The following CCDC141 variants were observed in gnomAD, a reference collection of about 807,000 sequenced individuals.
CCDC141 encodes coiled-coil domain containing 141.
CCDC141 carries 168 observed loss-of-function variants against 181.0 expected under a neutral mutation model. That is an observed-to-expected ratio of 0.93 (90% CI 0.82 to 1.05). The LOEUF (loss-of-function observed/expected upper bound fraction) is 1.05. Among genes scored for constraint, CCDC141 ranks in the 50% least tolerant of loss-of-function variants. CCDC141 has a pLI of 0.00. For missense variants in CCDC141, 1,902 were observed against 1,788.5 expected (o/e 1.06, Z -1.14); for synonymous variants, 666 against 642.3 (o/e 1.04, Z -0.56).
At position 178,913,028 on chromosome 2, in the gene CCDC141, C is replaced by T. The variant is rs577460318; in HGVS notation, c.1092+5685G>A. Among the ~76,000 whole-genome samples, 3 of 152,314 alleles carry T rather than the reference C, an allele frequency of 2.0e-5. No individual in the cohort carries two copies. The South Asian group carries it at 6.2e-4, about 32-fold the overall frequency. ...TTGGGCTTTCTCCATCATAGCTTTCCCACAACCCAGTGCACCTCTGTTCCC... is the reference window on the plus strand; with the variant it reads ...TTGGGCTTTCTCCATCATAGCTTTCTCACAACCCAGTGCACCTCTGTTCCC... On this transcript the variant is annotated intron_variant, in intron 7 of 23. Coordinates refer to ENST00000443758, the MANE Select transcript of CCDC141 (RefSeq NM_173648.4).
rs1553495348 is a variant in CCDC141 at position 178,981,657 on chromosome 2, T to TATATATATATAC, written c.226-2983_226-2982insGTATATATATAT. 1.7e-4 allele frequency among the ~76,000 whole-genome samples: 23 copies of TATATATATATAC among 132,042 alleles called. 1 individual carries two copies. The highest frequency in any genetic ancestry group is 5.4e-4 in the African/African-American group (19 of 35,072). 86.6% of individuals were successfully genotyped at this position (132,042 alleles called of 152,430 possible). On this transcript the variant is annotated intron_variant, in intron 2 of 23. Transcript: ENST00000443758. The stretch of plus-strand genomic sequence containing the variant: ...GTGTGTATATATATATATATATATA[T>TATATATATATAC]ACATACATATATACATATATATATA...
chr2:178,893,413 T>G (rs1243712904), intron 8 of CCDC141, among the ~76,000 whole-genome samples: 1 of 152,126 alleles, frequency 6.6e-6, no homozygotes, highest in African/African-American at 2.4e-5. Flanking sequence ...CTTTCAAACC[T>G]TTCATAAATT....
intron 2 of CCDC141, among the ~76,000 whole-genome samples, chr2:179,011,258 A>G (rs2042263045): frequency 6.6e-6 from 1 of 152,184 alleles, no homozygotes; most frequent in Admixed American, 6.5e-5. Flanking sequence ...AACTCACGTA[A>G]ACTTAAAGTG....
In CCDC141 at chr2:178,894,781, C is replaced by T. The variant is rs943436409; in HGVS notation, c.1266-6113G>A. 4.0e-5 allele frequency among the ~76,000 whole-genome samples: 6 copies of T among 151,412 alleles called. No individual in the cohort carries two copies. The East Asian group carries it at 9.6e-4, about 24-fold the overall frequency. On this transcript the variant is annotated intron_variant, in intron 8 of 23. Coordinates refer to ENST00000443758, the MANE Select transcript of CCDC141 (RefSeq NM_173648.4). The stretch of plus-strand genomic sequence containing the variant: ...AGACTGCAAAGAGACCAAGAGGCTC[C>T]AACATTCTTCTAATAGAAGGTATAG...
Position 179,049,959 on chromosome 2 carries a change from GT to G in CCDC141, c.-19del. On this transcript the variant is annotated 5_prime_UTR_variant, in exon 1 of 24. Transcript: ENST00000443758. ...CTGGACATGGTACTTTAGAACCAGA[GT>G]TTATACTTTGGGCAGCCTCTGGACA... The G allele has an allele frequency of 6.5e-7, 1 of 1,550,372 alleles. No individual in the cohort carries two copies. The highest frequency in any genetic ancestry group is 1.2e-5 in the South Asian group (1 of 84,058).
chr2:179,019,751 ATATT>A (rs563353137), intron 2 of CCDC141, among the ~76,000 whole-genome samples: 227 of 152,098 alleles, frequency 1.5e-3, no homozygotes, highest in African/African-American at 5.4e-3. Context: ...ATTTTTATAA[ATATT>A]TATTATTTAT....
At chr2:178,921,964 A>G (rs931650434) in intron 6 of CCDC141, among the ~76,000 whole-genome samples, 2 of 152,226 alleles carry the variant, frequency 1.3e-5, no homozygotes, top group African/African-American at 4.8e-5. Flanking sequence ...ATTCTTTAAA[A>G]AGATTTGGCA....
intron 22 of CCDC141, among the ~76,000 whole-genome samples, chr2:178,838,991 T>C (rs1575115284): frequency 6.6e-6 from 1 of 152,222 alleles, no homozygotes; most frequent in East Asian, 1.9e-4. Context: ...GGGTGCCTAC[T>C]TACTTAGTAT....
At position 178,852,238 on chromosome 2, in the gene CCDC141, C is replaced by A. The variant is rs114281707; in HGVS notation, c.3244+1203G>T. On this transcript the variant is annotated intron_variant, in intron 20 of 23. Transcript: ENST00000443758. ...CTTGCAGGACGGGAAGGGAATTTAA[C>A]TTTTTAGGGTCTTTGTCAGCACTTC... is the stretch of plus-strand genomic sequence containing the variant. 4.3e-3 allele frequency among the ~76,000 whole-genome samples: 661 copies of A among 152,298 alleles called. 9 individuals carry two copies. Among genetic ancestry groups the A allele is most frequent in the African/African-American group, 0.015 (636 of 41,554 alleles).
In CCDC141 at chr2:178,896,075, C is replaced by T. The variant is rs1052858942; in HGVS notation, c.1266-7407G>A. 2.0e-5 allele frequency among the ~76,000 whole-genome samples: 3 copies of T among 152,094 alleles called. No homozygotes were observed. The East Asian group carries it at 5.8e-4, about 29-fold the overall frequency. Reference sequence around the variant, plus strand: ...ATGAAATAACTAAAGAATGATTCAGCCCAGCCCAGAATGAAAAGTGGAGCC... The same window carrying T: ...ATGAAATAACTAAAGAATGATTCAGTCCAGCCCAGAATGAAAAGTGGAGCC... On this transcript the variant is annotated intron_variant, in intron 8 of 23. Transcript: ENST00000443758.
In CCDC141 at chr2:178,872,156, C is replaced by T. The variant is rs537932909; in HGVS notation, c.2056G>A (p.Ala686Thr). Reference protein sequence around the residue: ...ESKPGKQQWAAFKEQLKKTSH... With the variant: ...ESKPGKQQWATFKEQLKKTSH... ...ACCTTTTTAAGTTGCTCTTTGAATGCCGCCCACTGCTGTTTTCCAGGCTTG... is the reference window on the plus strand; with the variant it reads ...ACCTTTTTAAGTTGCTCTTTGAATGTCGCCCACTGCTGTTTTCCAGGCTTG... The change falls in exon 13 of 24, where the codon GCA becomes ACA. Residue 686 changes from alanine to threonine, a missense_variant. Transcript: ENST00000443758. The T allele has an allele frequency of 1.2e-5, 19 of 1,613,434 alleles. No individual in the cohort carries two copies. In the African/African-American group the frequency reaches 1.7e-4, roughly 15 times the overall value.
intron 14 of CCDC141, among the ~76,000 whole-genome samples, chr2:178,870,231 CAAA>C (rs34625707): frequency 1.0e-4 from 6 of 60,290 alleles, no homozygotes; most frequent in Admixed American, 2.6e-4. Flanking sequence ...GACTCTGTCT[CAAA>C]AAAAAAAAAA....
At chr2:178,978,408 G>T in intron 3 of CCDC141, 76 bp downstream of exon 3, 1 of 983,998 alleles carries the variant, frequency 1.0e-6, no homozygotes, top group South Asian at 3.7e-5. Context: ...GTCTATTTGT[G>T]AAAAAATAAA....
chr2:179,024,133 A>C (rs144433228), intron 2 of CCDC141, among the ~76,000 whole-genome samples: 7 of 152,334 alleles, frequency 4.6e-5, no homozygotes, highest in Admixed American at 6.5e-5. Flanking sequence ...AAGAAGAATA[A>C]TGACACAAAT....
chr2:178,917,071 A>C (rs1396652997), intron 7 of CCDC141, among the ~76,000 whole-genome samples: 1 of 152,168 alleles, frequency 6.6e-6, no homozygotes, highest in East Asian at 1.9e-4. Flanking sequence ...TGAAAGAGAG[A>C]AACTACATTT....
intron 4 of CCDC141, among the ~76,000 whole-genome samples, chr2:178,962,633 T>TC (rs1253003231): frequency 2.9e-4 from 38 of 132,214 alleles, no homozygotes; most frequent in African/African-American, 1.1e-3. Flanking sequence ...TTTCCTTCTT[T>TC]CTTTCCTTTC....
chr2:178,980,437 G>A (rs898407800), intron 2 of CCDC141, among the ~76,000 whole-genome samples: 12 of 152,084 alleles, frequency 7.9e-5, no homozygotes, highest in African/African-American at 2.2e-4. Flanking sequence ...GCAACAGAGC[G>A]AGACTCTGTC....
intron 17 of CCDC141, 133 bp from the exon 18 acceptor site, chr2:178,856,530 C>CTCCT (rs1210694043): frequency 2.0e-6 from 1 of 496,942 alleles, no homozygotes; most frequent in African/African-American, 2.5e-5. Flanking sequence ...TTTTCCCTCC[C>CTCCT]TCCCTCCCTC....
At chr2:178,934,821 A>T (rs1428304868) in intron 6 of CCDC141, among the ~76,000 whole-genome samples, 1 of 152,182 alleles carries the variant, frequency 6.6e-6, no homozygotes, top group Non-Finnish European at 1.5e-5. Flanking sequence ...CACATTATTT[A>T]TAGGAGCTTC....
Sources: gnomAD v4.1 joint callset for allele counts (sites outside exome capture counted in the v4.1 genomes callset) on GRCh38, gnomAD v4.1.1 for gene constraint, MANE v1.5 for transcripts, NCBI Gene and HGNC (gene_info 2026-07-23, HGNC 2026-07-21) for gene names.